The following PTPN22 variants were observed in gnomAD, a reference collection of about 807,000 sequenced individuals.
PTPN22 encodes the protein protein tyrosine phosphatase non-receptor type 22, also known as tyrosine-protein phosphatase non-receptor type 22.
In PTPN22, 85 loss-of-function variants were observed where a neutral mutation model predicts 103.3. That is an observed-to-expected ratio of 0.82 (90% CI 0.69 to 0.99). The LOEUF is 0.99. PTPN22 is among the 50% of genes least tolerant of loss of function. PTPN22 has a pLI of 0.00. For synonymous variants in PTPN22, 323 were observed against 310.2 expected, an observed-to-expected ratio of 1.04 and a Z score of -0.43; for missense variants, 865 against 936.9, an observed-to-expected ratio of 0.92 and a Z score of 1.00.
intron 1 of PTPN22, among the ~76,000 whole-genome samples, chr1:113,863,925 ATAT>A (rs1349337238): frequency 0.034 from 675 of 19,710 alleles, 5 homozygotes; most frequent in African/African-American, 0.12. Flanking sequence ...ATATATATAT[ATAT>A]TTTTTTTTGA....
intron 19 of PTPN22, among the ~76,000 whole-genome samples, chr1:113,824,081 T>A (rs1325979378): frequency 1.3e-5 from 2 of 151,494 alleles, no homozygotes; most frequent in Non-Finnish European, 2.9e-5. Context: ...GTATCAAAAA[T>A]TTTTTTAAGA....
At chr1:113,838,998 A>G (rs1394106202) in intron 11 of PTPN22, among the ~76,000 whole-genome samples, 1 of 151,640 alleles carries the variant, frequency 6.6e-6, no homozygotes, top group Non-Finnish European at 1.5e-5. Context: ...ATCTTGTTCT[A>G]CTCTTTTCCT....
intron 10 of PTPN22, among the ~76,000 whole-genome samples, chr1:113,849,599 T>A (rs1473426193): frequency 6.7e-5 from 10 of 150,208 alleles, no homozygotes; most frequent in African/African-American, 2.4e-4. Flanking sequence ...TATTTATTTT[T>A]TTTTTTGAGA....
chr1:113,814,861 G>C lies in PTPN22; in HGVS notation c.*44C>G, dbSNP rs750830395. ...TAGCAGTATTCTAGTAGTTTTATTT[G>C]CAGGTGTACTTGCAGCCCATATTAT... is the stretch of plus-strand genomic sequence containing the variant. On this transcript the variant is annotated 3_prime_UTR_variant, in exon 21 of 21. Coordinates refer to ENST00000359785, the Ensembl canonical transcript of PTPN22. 4.4e-6 allele frequency: 6 copies of C among 1,364,344 alleles called. No individual in the cohort carries two copies. In the Admixed American group the frequency reaches 6.8e-5, roughly 15 times the overall value. The allele number at this position is 1,364,344 out of a possible 1,614,324, so 84.5% of individuals were successfully genotyped here.
intron 11 of PTPN22, among the ~76,000 whole-genome samples, chr1:113,840,806 T>C (rs1047062102): frequency 3.9e-5 from 6 of 152,174 alleles, no homozygotes; most frequent in African/African-American, 1.4e-4. Flanking sequence ...TAGAAGAGCT[T>C]TGAAAAAAAC....
At position 113,819,661 on chromosome 1, in the gene PTPN22, T is replaced by C; in HGVS notation, c.2282-7A>G. On this transcript the variant is annotated splice_polypyrimidine_tract_variant and splice_region_variant and intron_variant, in intron 19 of 20. Coordinates refer to ENST00000359785, the Ensembl canonical transcript of PTPN22. The stretch of plus-strand genomic sequence containing the variant: ...GGGCAAGAATTACAGATACCTAGAA[T>C]CAAAAGAAAAAAATATAAGGGAAAG... The C allele has an allele frequency of 1.3e-6, 2 of 1,569,556 alleles. No homozygotes were observed. The highest frequency in any genetic ancestry group is 2.7e-5 in the African/African-American group (2 of 73,460).
chr1:113,854,375 G>T, intron 9 of PTPN22, 96 bp downstream of exon 9: 3 of 1,142,108 alleles, frequency 2.6e-6, no homozygotes, highest in South Asian at 1.3e-5. Context: ...TAGAAAAGAT[G>T]AATCATGAAG....
intron 13 of PTPN22, among the ~76,000 whole-genome samples, chr1:113,835,194 T>C (rs1205217979): frequency 6.6e-6 from 1 of 152,222 alleles, no homozygotes; most frequent in Admixed American, 6.5e-5. Context: ...AGGAGGTTTT[T>C]GCTTATTCTT....
chr1:113,847,584 CTTT>C (rs201373943), intron 11 of PTPN22, among the ~76,000 whole-genome samples: 1 of 125,540 alleles, frequency 8.0e-6, no homozygotes. Context: ...TTTGCTGGGG[CTTT>C]TTTTTTTTTT....
At chr1:113,843,095 G>A (rs1166095489) in intron 11 of PTPN22, among the ~76,000 whole-genome samples, 1 of 11,712 alleles carries the variant, frequency 8.5e-5, no homozygotes, top group Non-Finnish European at 2.1e-4. Context: ...GCGAGACTCC[G>A]TCTCAAAAAA....
chr1:113,855,503 CAAAAAAAAAAA>C (rs58516952), intron 7 of PTPN22, among the ~76,000 whole-genome samples: 12 of 84,434 alleles, frequency 1.4e-4, no homozygotes, highest in Admixed American at 4.5e-4. Flanking sequence ...GACTCTGTCT[CAAAAAAAAAAA>C]AAAAAAAAAA....
chr1:113,858,593 A>G lies in PTPN22; in HGVS notation c.274-20T>C, dbSNP rs1180152678. On this transcript the variant is annotated intron_variant, in intron 3 of 20. Transcript: ENST00000359785. The stretch of plus-strand genomic sequence containing the variant: ...AACTCCCTAAAGGGGAACAGAAATT[A>G]CACGGGGTGACTACAAATAATACCC... 16 of 1,433,918 alleles carry G rather than the reference A, an allele frequency of 1.1e-5. No individual in the cohort carries two copies. The East Asian group carries it at 3.5e-4, about 31-fold the overall frequency. The allele number at this position is 1,433,918 out of a possible 1,614,324, so 88.8% of individuals were successfully genotyped here.
exon 15 of PTPN22, chr1:113,834,435 T>A: frequency 1.2e-6 from 2 of 1,612,194 alleles, no homozygotes; most frequent in Middle Eastern, 3.3e-4. Context: ...TTGGTGAGAA[T>A]TCTCCTGGAA....
At chr1:113,851,198 G>A (rs1039017891) in intron 10 of PTPN22, among the ~76,000 whole-genome samples, 77 of 151,890 alleles carry the variant, frequency 5.1e-4, no homozygotes, top group African/African-American at 1.7e-3. Flanking sequence ...TGTTACCCAG[G>A]CTGGAGTGCA....
chr1:113,838,564 A>G (rs113984534), exon 12 of PTPN22: 1 of 1,613,618 alleles, frequency 6.2e-7, no homozygotes, highest in Non-Finnish European at 8.5e-7. Flanking sequence ...AATTAGGAGA[A>G]TAAGAGTCTG....
chr1:113,836,824 G>A (rs1663061948), intron 13 of PTPN22, among the ~76,000 whole-genome samples: 1 of 152,024 alleles, frequency 6.6e-6, no homozygotes, highest in Non-Finnish European at 1.5e-5. Context: ...TACTTGGGAG[G>A]CTGAGGTGGG....
intron 5 of PTPN22, chr1:113,856,946 T>C: frequency 4.6e-6 from 1 of 216,136 alleles, no homozygotes; most frequent in Non-Finnish European, 9.4e-6. Context: ...TCCCTTGCTT[T>C]TGATTAGAAT....
intron 16 of PTPN22, among the ~76,000 whole-genome samples, chr1:113,831,960 A>T (rs1324571924): frequency 6.6e-6 from 1 of 152,250 alleles, no homozygotes; most frequent in African/African-American, 2.4e-5. Context: ...ATTATAATCG[A>T]TAATATTTAA....
intron 1 of PTPN22, among the ~76,000 whole-genome samples, chr1:113,860,375 T>C (rs1030937263): frequency 6.6e-6 from 1 of 152,226 alleles, no homozygotes; most frequent in Non-Finnish European, 1.5e-5. Context: ...AACAACATAG[T>C]GTACGTAAGA....
Sources: allele counts gnomAD v4.1 joint callset (sites outside exome capture counted in the v4.1 genomes callset), GRCh38; gene constraint gnomAD v4.1.1; transcripts MANE v1.5; gene names NCBI Gene and HGNC (gene_info 2026-07-23, HGNC 2026-07-21).